The following TANGO6 variants were observed in gnomAD, a reference collection of about 807,000 sequenced individuals.
TANGO6 encodes transport and Golgi organization protein 6 homolog.
Under a neutral mutation model 114.2 loss-of-function variants are expected in TANGO6, and 90 were observed. That is an observed-to-expected ratio of 0.79 (90% CI 0.66 to 0.94). The LOEUF (loss-of-function observed/expected upper bound fraction) is 0.94, where lower values mean the gene tolerates loss of function less well. TANGO6 is among the 40% of genes least tolerant of loss of function. TANGO6 has a pLI of 0.00. For synonymous variants in TANGO6, 477 were observed against 509.8 expected (o/e 0.94, Z 0.87); for missense variants, 1,274 against 1,315.3 (o/e 0.97, Z 0.49).
At chr16:68,945,357 ATTTCT>A (rs1963402784) in intron 14 of TANGO6, among the ~76,000 whole-genome samples, 1 of 152,088 alleles carries the variant, frequency 6.6e-6, no homozygotes, top group Non-Finnish European at 1.5e-5. Flanking sequence ...ACTTTTTTAA[ATTTCT>A]TTTTTATTTT....
At chr16:68,954,249 CAAAAA>C (rs552507549) in intron 14 of TANGO6, among the ~76,000 whole-genome samples, 1 of 60,146 alleles carries the variant, frequency 1.7e-5, no homozygotes. Flanking sequence ...GACTCCATCT[CAAAAA>C]AAAAAAAAAA....
rs780115454 is a variant in TANGO6 at position 68,880,499 on chromosome 16, T to A, written c.1295-49T>A. 13 of 1,429,064 alleles carry A rather than the reference T, an allele frequency of 9.1e-6. No individual in the cohort carries two copies. In the South Asian group the frequency reaches 1.3e-4, roughly 14 times the overall value. 88.5% of individuals were successfully genotyped at this position (1,429,064 alleles called of 1,614,324 possible). On this transcript the variant is annotated intron_variant, in intron 6 of 17. Coordinates refer to ENST00000261778, the MANE Select transcript of TANGO6 (RefSeq NM_024562.2). ...TTCCTTCCTTAGCTTTAGTATGTCC[T>A]ATTCAGTGAGGCACTAAATATGGGT...
chr16:68,843,947 C>A (rs1450590979), intron 1 of TANGO6, among the ~76,000 whole-genome samples: 5 of 152,198 alleles, frequency 3.3e-5, no homozygotes, highest in Non-Finnish European at 7.3e-5. Context: ...ATCTCTTGAG[C>A]ATTTGCCTTG....
chr16:69,051,316 G>A (rs1876581528), intron 17 of TANGO6, among the ~76,000 whole-genome samples: 2 of 152,060 alleles, frequency 1.3e-5, no homozygotes, highest in Non-Finnish European at 2.9e-5. Context: ...TGAGGTGGGT[G>A]GATCCTGACT....
At chr16:68,867,557 G>T in intron 4 of TANGO6, 1 of 210,736 alleles carries the variant, frequency 4.7e-6, no homozygotes. Context: ...AGCTAGGTGT[G>T]GGCCGGGCGC....
chr16:69,009,949 G>A (rs945835087), intron 15 of TANGO6, among the ~76,000 whole-genome samples: 2 of 152,198 alleles, frequency 1.3e-5, no homozygotes, highest in African/African-American at 4.8e-5. Flanking sequence ...CGAAATGGGT[G>A]TCAGTGCTGC....
At chr16:68,970,316 T>C (rs761872392) in intron 14 of TANGO6, among the ~76,000 whole-genome samples, 2 of 152,148 alleles carry the variant, frequency 1.3e-5, no homozygotes, top group Non-Finnish European at 2.9e-5. Context: ...CAGGATAGTA[T>C]GTTCACAGAA....
chr16:68,918,967 A>G, intron 11 of TANGO6, 118 bp from the exon 12 acceptor site: 3 of 1,246,326 alleles, frequency 2.4e-6, no homozygotes, highest in South Asian at 3.1e-5. Context: ...GTTGTTCTGG[A>G]TGGTTCTTGC....
chr16:68,976,721 C>T (rs1963768599), intron 15 of TANGO6, among the ~76,000 whole-genome samples: 1 of 152,172 alleles, frequency 6.6e-6, no homozygotes, highest in Admixed American at 6.5e-5. Context: ...AGCCAGCTAG[C>T]GGCCATATTG....
At chr16:68,938,313 T>C (rs1416480173) in intron 14 of TANGO6, among the ~76,000 whole-genome samples, 2 of 152,206 alleles carry the variant, frequency 1.3e-5, no homozygotes, top group Non-Finnish European at 2.9e-5. Context: ...AGAAAGATCA[T>C]TGGGACTAGT....
chr16:69,035,896 C>T (rs901966291), intron 16 of TANGO6: 2 of 151,954 alleles, frequency 1.3e-5, no homozygotes, highest in African/African-American at 4.8e-5. Flanking sequence ...ACTAAAAATA[C>T]AAAAATTAAC....
intron 15 of TANGO6, among the ~76,000 whole-genome samples, chr16:69,020,037 A>G (rs981590986): frequency 6.6e-6 from 1 of 152,180 alleles, no homozygotes; most frequent in African/African-American, 2.4e-5. Flanking sequence ...TAGTTAGGTG[A>G]TTTTGTCATT....
rs985304340 is a variant in TANGO6, at chr16:68,906,162, A to G, written c.1668-1281A>G. On this transcript the variant is annotated intron_variant, in intron 9 of 17. Coordinates refer to ENST00000261778, the MANE Select transcript of TANGO6 (RefSeq NM_024562.2). ...GCCATTGCATTCCAGCCTGGGCAACAGGAGCGAGATTCTATCTCAAATAAA... is the reference window on the plus strand; with the variant it reads ...GCCATTGCATTCCAGCCTGGGCAACGGGAGCGAGATTCTATCTCAAATAAA... 7.9e-5 allele frequency among the ~76,000 whole-genome samples: 12 copies of G among 152,326 alleles called. No homozygotes were observed. In the East Asian group the frequency reaches 2.3e-3, roughly 29 times the overall value.
At chr16:68,958,345 C>T (rs1298115508) in intron 14 of TANGO6, among the ~76,000 whole-genome samples, 17 of 151,368 alleles carry the variant, frequency 1.1e-4, no homozygotes, top group East Asian at 5.8e-4. Flanking sequence ...CAAAATTAGC[C>T]GGGCGTGGTG....
At chr16:68,918,110 T>C (rs1277531765) in intron 11 of TANGO6, among the ~76,000 whole-genome samples, 1 of 151,956 alleles carries the variant, frequency 6.6e-6, no homozygotes, top group African/African-American at 2.4e-5. Flanking sequence ...GGGTTCACCA[T>C]GTTGGCCAGG....
chr16:68,912,787 A>G (rs1962941026), intron 11 of TANGO6, among the ~76,000 whole-genome samples: 1 of 151,588 alleles, frequency 6.6e-6, no homozygotes, highest in Non-Finnish European at 1.5e-5. Flanking sequence ...CCTAAAAGGT[A>G]ATAGCCGACC....
chr16:68,975,158 A>G (rs1372993555), intron 15 of TANGO6, among the ~76,000 whole-genome samples: 2 of 152,178 alleles, frequency 1.3e-5, no homozygotes, highest in Non-Finnish European at 2.9e-5. Flanking sequence ...CTAATTCCCC[A>G]ACAAATCTTG....
intron 17 of TANGO6, among the ~76,000 whole-genome samples, chr16:69,056,002 G>T (rs1960027018): frequency 6.6e-6 from 1 of 151,722 alleles, no homozygotes; most frequent in Non-Finnish European, 1.5e-5. Flanking sequence ...TCATGCCATT[G>T]CACTCCACCC....
chr16:68,877,431 G>A (rs1432267213), intron 5 of TANGO6, among the ~76,000 whole-genome samples: 2 of 144,366 alleles, frequency 1.4e-5, no homozygotes, highest in Admixed American at 7.2e-5. Flanking sequence ...TTGCACCACC[G>A]TATTCCAGCC....
Sources: allele counts gnomAD v4.1 joint callset (sites outside exome capture counted in the v4.1 genomes callset), GRCh38; gene constraint gnomAD v4.1.1; transcripts MANE v1.5; gene names NCBI Gene and HGNC (gene_info 2026-07-23, HGNC 2026-07-21).